The following ANKS1A variants were observed in gnomAD, a reference collection of about 807,000 sequenced individuals.
The protein encoded by ANKS1A is ankyrin repeat and SAM domain-containing protein 1A.
In ANKS1A, 55 loss-of-function variants were observed where a neutral mutation model predicts 120.3. The ratio of observed to expected loss-of-function variants is 0.46; its 90% CI spans 0.37 to 0.57. The LOEUF is 0.57. Ranked by LOEUF, ANKS1A falls within the 20% of genes least tolerant of loss-of-function variation. ANKS1A has a pLI of 0.00. For synonymous variants in ANKS1A, 590 were observed against 604.7 expected (o/e 0.98, Z 0.36); for missense variants, 1,123 against 1,480.3 (o/e 0.76, Z 3.96).
chr6:35,019,997 G>GGA (rs1774247047), intron 11 of ANKS1A, among the ~76,000 whole-genome samples: 2 of 152,044 alleles, frequency 1.3e-5, no homozygotes, highest in Non-Finnish European at 2.9e-5. Context: ...AGAGGTGGGT[G>GGA]GAGAGAGCGG....
chr6:35,016,469 C>G (rs1774010036), intron 10 of ANKS1A, among the ~76,000 whole-genome samples: 1 of 152,144 alleles, frequency 6.6e-6, no homozygotes, highest in South Asian at 2.1e-4. Context: ...TTTAATGGGG[C>G]TGAGTTCATG....
At chr6:34,931,437 C>T (rs889014388) in intron 1 of ANKS1A, among the ~76,000 whole-genome samples, 3 of 152,130 alleles carry the variant, frequency 2.0e-5, no homozygotes, top group East Asian at 1.9e-4. Context: ...AGTGAGCCAC[C>T]GTGCCCAGCC....
chr6:34,937,857 A>G (rs1769336324), intron 1 of ANKS1A, among the ~76,000 whole-genome samples: 1 of 152,246 alleles, frequency 6.6e-6, no homozygotes, highest in African/African-American at 2.4e-5. Context: ...AAAACTTATT[A>G]GGACAAAATC....
intron 11 of ANKS1A, among the ~76,000 whole-genome samples, chr6:35,040,020 A>G (rs971801817): frequency 1.3e-5 from 2 of 152,092 alleles, no homozygotes; most frequent in Non-Finnish European, 2.9e-5. Flanking sequence ...ACCCTCATGA[A>G]TTCCTCTAAC....
intron 11 of ANKS1A, among the ~76,000 whole-genome samples, chr6:35,052,159 A>T (rs934464960): frequency 3.3e-5 from 5 of 152,200 alleles, no homozygotes; most frequent in Non-Finnish European, 7.3e-5. Flanking sequence ...TACAAAAAAG[A>T]AAAAATAGCC....
At chr6:34,951,904 T>C (rs909186843) in intron 1 of ANKS1A, among the ~76,000 whole-genome samples, 5 of 152,148 alleles carry the variant, frequency 3.3e-5, no homozygotes, top group South Asian at 2.1e-4. Flanking sequence ...GTATTCTTTA[T>C]TGGTTTCCTG....
At position 34,889,975 on chromosome 6, in the gene ANKS1A, C is replaced by A. The variant is rs920662621; in HGVS notation, c.197+376C>A. ...ATATATATATATGAGATCTCCCTCACCTCCTGCAGAAACTCCTACGCCTTG... is the reference window on the plus strand; with the variant it reads ...ATATATATATATGAGATCTCCCTCAACTCCTGCAGAAACTCCTACGCCTTG... On this transcript the variant is annotated intron_variant, in intron 1 of 23. Coordinates refer to ENST00000360359, the MANE Select transcript of ANKS1A (RefSeq NM_015245.3). This position sits in a 1 kb window ranked among gnomAD's most constrained non-coding sequence, Gnocchi z 5.5. Among the ~76,000 whole-genome samples, 1 of 152,170 alleles carries A rather than the reference C, an allele frequency of 6.6e-6. No individual in the cohort carries two copies. The highest frequency in any genetic ancestry group is 2.4e-5 in the African/African-American group (1 of 41,424).
chr6:34,904,994 A>G (rs889975501), intron 1 of ANKS1A, among the ~76,000 whole-genome samples: 4 of 152,170 alleles, frequency 2.6e-5, no homozygotes, highest in Admixed American at 2.6e-4. Flanking sequence ...TATTTTTAAT[A>G]GACACAGGGT....
chr6:34,987,816 T>C (rs1031617191), intron 8 of ANKS1A, among the ~76,000 whole-genome samples: 12 of 152,244 alleles, frequency 7.9e-5, no homozygotes, highest in African/African-American at 2.9e-4. Flanking sequence ...AGCGTTCTGT[T>C]CTTTGACTTT....
chr6:34,997,526 G>A (rs543950081), intron 10 of ANKS1A, among the ~76,000 whole-genome samples: 13 of 152,250 alleles, frequency 8.5e-5, no homozygotes, highest in African/African-American at 3.1e-4. Context: ...AAAACATTTA[G>A]AAAAGGTGAA....
intron 1 of ANKS1A, among the ~76,000 whole-genome samples, chr6:34,961,907 G>A (rs999549126): frequency 6.6e-6 from 1 of 152,164 alleles, no homozygotes; most frequent in Non-Finnish European, 1.5e-5. Context: ...GTCCTTGTTT[G>A]GCCAAATGCC....
At position 34,889,355 on chromosome 6, in the gene ANKS1A, C is replaced by T; in HGVS notation, c.-48C>T. 1.6e-6 allele frequency: 2 copies of T among 1,244,056 alleles called. No individual in the cohort carries two copies. The highest frequency in any genetic ancestry group is 3.5e-5 in the South Asian group (1 of 28,494). The allele number at this position is 1,244,056 out of a possible 1,614,324, so 77.1% of individuals were successfully genotyped here. A position where few individuals can be genotyped will look rare whatever the true frequency, so the allele number is the denominator to read the frequency against. On this transcript the variant is annotated 5_prime_UTR_variant, in exon 1 of 24. Coordinates refer to ENST00000360359, the MANE Select transcript of ANKS1A (RefSeq NM_015245.3). The surrounding 1 kb of genome is among the most constrained non-coding windows in gnomAD (Gnocchi z 5.5). ...CGGAAAGTTTGGGAGCCCGAGCAGG[C>T]TCGGCTGCAGCCTCGGGGAGGGGGT... is the stretch of plus-strand genomic sequence containing the variant.
intron 13 of ANKS1A, among the ~76,000 whole-genome samples, chr6:35,077,516 A>G (rs1481096912): frequency 6.6e-6 from 1 of 152,194 alleles, no homozygotes; most frequent in Non-Finnish European, 1.5e-5. Flanking sequence ...GGCTCTGGGG[A>G]CGTCCAGGAA....
chr6:34,938,106 A>C (rs1367462601), intron 1 of ANKS1A, among the ~76,000 whole-genome samples: 1 of 152,204 alleles, frequency 6.6e-6, no homozygotes, highest in Non-Finnish European at 1.5e-5. Context: ...TTTATTCATA[A>C]TTAAATAAAA....
At chr6:35,019,917 A>G (rs760290110) in intron 11 of ANKS1A, among the ~76,000 whole-genome samples, 4 of 152,126 alleles carry the variant, frequency 2.6e-5, no homozygotes, top group African/African-American at 9.7e-5. Flanking sequence ...CACTAGAGCA[A>G]TGGGATTTGA....
At chr6:35,078,695 G>A in intron 14 of ANKS1A, 39 bp downstream of exon 14, 1 of 1,584,636 alleles carries the variant, frequency 6.3e-7, no homozygotes. Context: ...CCCGTGCGGA[G>A]CCAGGGCCAC....
At chr6:35,067,567 C>T (rs1296883255) in intron 13 of ANKS1A, among the ~76,000 whole-genome samples, 1 of 152,068 alleles carries the variant, frequency 6.6e-6, no homozygotes, top group Non-Finnish European at 1.5e-5. Context: ...TTGATAAATA[C>T]AGTGAAATGT....
At chr6:34,989,574 T>G (rs1461475572) in intron 9 of ANKS1A, among the ~76,000 whole-genome samples, 3 of 152,234 alleles carry the variant, frequency 2.0e-5, no homozygotes, top group African/African-American at 7.2e-5. Flanking sequence ...CTGGCTCCAA[T>G]AAGCTGAACA....
chr6:35,075,885 C>A (rs1777328418), intron 13 of ANKS1A, among the ~76,000 whole-genome samples: 1 of 152,138 alleles, frequency 6.6e-6, no homozygotes. Context: ...CCCAGCTTTC[C>A]AAGTAGCTGA....
Sources: gnomAD v4.1 joint callset for allele counts (sites outside exome capture counted in the v4.1 genomes callset) on GRCh38, gnomAD v4.1.1 for gene constraint, Gnocchi (gnomAD v3.1) non-coding constraint, MANE v1.5 for transcripts, NCBI Gene and HGNC (gene_info 2026-07-23, HGNC 2026-07-21) for gene names.